The following CEP20 variants were observed in gnomAD, a reference collection of about 807,000 sequenced individuals.
CEP20 encodes centrosomal protein 20.
A neutral mutation model predicts 20.0 loss-of-function variants in CEP20; 18 were observed. That is an observed-to-expected ratio of 0.90 (90% CI 0.62 to 1.34). The LOEUF is 1.34. Ranked by LOEUF, CEP20 falls within the 40% of genes most tolerant of loss-of-function variation. CEP20 has a pLI of 0.00. For synonymous variants in CEP20, 77 were observed against 73.7 expected (o/e 1.04, Z -0.23); for missense variants, 215 against 201.6 (o/e 1.07, Z -0.40).
chr16:15,878,646 G>A (rs959875325), intron 3 of CEP20, among the ~76,000 whole-genome samples: 1 of 152,046 alleles, frequency 6.6e-6, no homozygotes, highest in African/African-American at 2.4e-5. Context: ...ACAGGCACAC[G>A]CCACCATGCC....
At chr16:15,867,644 C>T (rs1487656282) in intron 4 of CEP20, 128 bp from the exon 5 acceptor site, 10 of 581,398 alleles carry the variant, frequency 1.7e-5, no homozygotes, top group Non-Finnish European at 2.8e-5. Context: ...TGGTTTAGGA[C>T]AATGAAAAAA....
rs764906306 is a variant in CEP20 at position 15,888,593 on chromosome 16, C to G, written c.-8G>C. ...CTCTGCCACAGTCGCCATTTTTCAA[C>G]GGCCGCCAGGGCCGCACCGCGGCCC... On this transcript the variant is annotated 5_prime_UTR_variant, in exon 1 of 5. Coordinates refer to ENST00000255759, the MANE Select transcript of CEP20 (RefSeq NM_144600.4). The G allele has an allele frequency of 9.9e-6, 16 of 1,613,974 alleles. No homozygotes were observed. Among genetic ancestry groups the G allele is most frequent in the Non-Finnish European group, 1.3e-5 (15 of 1,179,994 alleles).
rs2045058903 is a variant in CEP20, at chr16:15,879,887, T to A, written c.228A>T (p.Glu76Asp). ...CCAACGGAACTACAGGTTGACCAGATTCTGGGAGAAATAAATTCATGAGAA... is the reference window on the plus strand; with the variant it reads ...CCAACGGAACTACAGGTTGACCAGAATCTGGGAGAAATAAATTCATGAGAA... ...YKYTASVLIA[E>D]SGQPVVPLDR... The change falls in exon 3 of 5, where the codon GAA becomes GAT. Residue 76 changes from glutamate (E) to aspartate (D), a missense_variant and splice_region_variant. Transcript: ENST00000255759. The A allele has an allele frequency of 6.3e-7, 1 of 1,577,688 alleles. No individual in the cohort carries two copies. Among genetic ancestry groups the A allele is most frequent in the Non-Finnish European group, 8.6e-7 (1 of 1,168,050 alleles).
In CEP20 at chr16:15,867,168, A is replaced by T. The variant is rs2151417339; in HGVS notation, c.*272T>A. 2 of 247,002 alleles carry T rather than the reference A, an allele frequency of 8.1e-6. No individual in the cohort carries two copies. The highest frequency in any genetic ancestry group is 1.6e-5 in the Non-Finnish European group (2 of 127,726). 15.3% of individuals were successfully genotyped at this position (247,002 alleles called of 1,614,324 possible). On this transcript the variant is annotated 3_prime_UTR_variant, in exon 5 of 5. Coordinates refer to ENST00000255759, the MANE Select transcript of CEP20 (RefSeq NM_144600.4). ...GATTGCAGTGAGCCGAGATCGTGCC[A>T]CTGCACTCCAGTCTGGGTGACAGAG...
chr16:15,873,027 G>A (rs923069835), intron 4 of CEP20, among the ~76,000 whole-genome samples: 1 of 151,700 alleles, frequency 6.6e-6, no homozygotes, highest in Non-Finnish European at 1.5e-5. Context: ...AAGGATCTAA[G>A]CTGCTCCAAA....
At chr16:15,881,491 C>G (rs59126297) in intron 2 of CEP20, among the ~76,000 whole-genome samples, 1 of 152,106 alleles carries the variant, frequency 6.6e-6, no homozygotes, top group South Asian at 2.1e-4. Context: ...GGATCTGTAA[C>G]GAAAAATTCT....
At chr16:15,875,989 T>C (rs2044934809) in intron 3 of CEP20, among the ~76,000 whole-genome samples, 1 of 150,350 alleles carries the variant, frequency 6.7e-6, no homozygotes, top group Non-Finnish European at 1.5e-5. Context: ...TCCCAGCTAC[T>C]CAGGAGGCTG....
At chr16:15,871,524 T>C (rs73509913) in intron 4 of CEP20, among the ~76,000 whole-genome samples, 3,805 of 152,310 alleles carry the variant, frequency 0.025, 159 homozygotes, top group African/African-American at 0.086. Flanking sequence ...GTAATGTCAG[T>C]TCCTTACCAA....
chr16:15,874,926 TA>T (rs2044906757), intron 3 of CEP20, among the ~76,000 whole-genome samples: 2 of 152,134 alleles, frequency 1.3e-5, no homozygotes, highest in African/African-American at 4.8e-5. Flanking sequence ...CCTGGAAAGT[TA>T]CATGCAGTAA....
At chr16:15,888,523 G>A (rs377654029) in intron 1 of CEP20, 35 bp downstream of exon 1, 2 of 1,613,856 alleles carry the variant, frequency 1.2e-6, no homozygotes, top group East Asian at 2.2e-5. Flanking sequence ...AAGGCCCGAC[G>A]CTTCCCATGT....
intron 3 of CEP20, among the ~76,000 whole-genome samples, chr16:15,873,932 A>G (rs2044882962): frequency 6.6e-6 from 1 of 152,224 alleles, no homozygotes; most frequent in Non-Finnish European, 1.5e-5. Flanking sequence ...TCCAAAGTCC[A>G]GTAGAGTATT....
intron 2 of CEP20, among the ~76,000 whole-genome samples, chr16:15,881,032 G>A (rs576814163): frequency 6.6e-6 from 1 of 152,096 alleles, no homozygotes; most frequent in South Asian, 2.1e-4. Context: ...GAAATAAAAT[G>A]CACAATAAAT....
Position 15,878,196 on chromosome 16 carries a change from A to G in CEP20, c.311+1608T>C, listed in dbSNP as rs373153172. The stretch of plus-strand genomic sequence containing the variant: ...ATAGAAGTTAAGATGCTCCAATAGA[A>G]GAGGGAGAAAGGTGATGTAGGGCTT... On this transcript the variant is annotated intron_variant, in intron 3 of 4. Transcript: ENST00000255759. Among the ~76,000 whole-genome samples, 22 of 152,312 alleles carry G rather than the reference A, an allele frequency of 1.4e-4. No homozygotes were observed. The Middle Eastern group carries it at 0.017, about 118-fold the overall frequency.
intron 3 of CEP20, among the ~76,000 whole-genome samples, chr16:15,878,370 A>G (rs753540825): frequency 1.3e-5 from 2 of 152,236 alleles, no homozygotes; most frequent in Non-Finnish European, 2.9e-5. Context: ...GGACTTCACT[A>G]TACACACAAT....
intron 3 of CEP20, among the ~76,000 whole-genome samples, chr16:15,876,082 GAGAA>G (rs2044938794): frequency 1.4e-5 from 2 of 148,046 alleles, no homozygotes; most frequent in Admixed American, 6.8e-5. Context: ...AAAAAAAAAA[GAGAA>G]AGAAAATATT....
At chr16:15,874,719 T>C (rs186114190) in intron 3 of CEP20, among the ~76,000 whole-genome samples, 9 of 152,324 alleles carry the variant, frequency 5.9e-5, no homozygotes, top group Non-Finnish European at 1.3e-4. Context: ...TACTAGCTGG[T>C]ATAATGGTTT....
At position 15,882,778 on chromosome 16, in the gene CEP20, T is replaced by TACACACACACACACACA. The variant is rs763098969; in HGVS notation, c.226+1229_226+1230insTGTGTGTGTGTGTGTGT. Among the ~76,000 whole-genome samples, 108 of 50,610 alleles carry TACACACACACACACACA rather than the reference T, an allele frequency of 2.1e-3. No individual in the cohort carries two copies. The East Asian group carries it at 0.026, about 12-fold the overall frequency. The allele number at this position is 50,610 out of a possible 152,430, so 33.2% of individuals were successfully genotyped here. The stretch of plus-strand genomic sequence containing the variant: ...ATCTATCTATCTATCTATCTATCTA[T>TACACACACACACACACA]CTAGATACACACACACACACACACA... On this transcript the variant is annotated intron_variant, in intron 2 of 4. Transcript: ENST00000255759.
chr16:15,875,588 C>T (rs1042276330), intron 3 of CEP20, among the ~76,000 whole-genome samples: 1 of 152,026 alleles, frequency 6.6e-6, no homozygotes, highest in Admixed American at 6.6e-5. Context: ...AAGGGAGAGG[C>T]AACTTGCAAA....
chr16:15,867,324 TG>T lies in CEP20; in HGVS notation c.*115del. ...ATGTAGTTAAACATGAGGGGTGTTT[TG>T]TAGAAACTCCAATTTCTACAAACAT... On this transcript the variant is annotated 3_prime_UTR_variant, in exon 5 of 5. Transcript: ENST00000255759. 1.5e-6 allele frequency: 1 copy of T among 667,552 alleles called. No individual in the cohort carries two copies. Among genetic ancestry groups the T allele is most frequent in the Non-Finnish European group, 2.3e-6 (1 of 434,064 alleles). 41.4% of individuals were successfully genotyped at this position (667,552 alleles called of 1,614,324 possible). A position where few individuals can be genotyped will look rare whatever the true frequency, so the allele number is the denominator to read the frequency against.
Sources: allele counts gnomAD v4.1 joint callset (sites outside exome capture counted in the v4.1 genomes callset), GRCh38; gene constraint gnomAD v4.1.1; transcripts MANE v1.5; gene names NCBI Gene and HGNC (gene_info 2026-07-23, HGNC 2026-07-21).